Variants in PPARGC1A observed in about 807,000 individuals in gnomAD.
The protein encoded by PPARGC1A is peroxisome proliferator-activated receptor gamma coactivator 1-alpha.
In PPARGC1A, 25 loss-of-function variants were observed where a neutral mutation model predicts 88.7. That is an observed-to-expected ratio of 0.28 (90% CI 0.21 to 0.39). The LOEUF is 0.39. Among genes scored for constraint, PPARGC1A ranks in the 10% least tolerant of loss-of-function variants. PPARGC1A has a pLI of 1.00. For missense variants in PPARGC1A, 880 were observed against 968.7 expected (o/e 0.91, Z 1.22); for synonymous variants, 363 against 355.6 (o/e 1.02, Z -0.24).
chr4:23,893,372 T>C (rs1473259907), upstream of PPARGC1A, among the ~76,000 whole-genome samples: 1 of 152,134 alleles, frequency 6.6e-6, no homozygotes, highest in Non-Finnish European at 1.5e-5. Flanking sequence ...CCTCAGAGAA[T>C]AGCAAAAACA....
the PPARGC1A span, among the ~76,000 whole-genome samples, chr4:24,282,128 A>G: frequency 6.6e-6 from 1 of 152,210 alleles, no homozygotes; most frequent in Non-Finnish European, 1.5e-5. Flanking sequence ...AAATAAGATG[A>G]TTACTATCTA....
At chr4:24,191,907 G>A in the PPARGC1A span, among the ~76,000 whole-genome samples, 176 of 152,260 alleles carry the variant, frequency 1.2e-3, no homozygotes, top group Non-Finnish European at 1.2e-3. Context: ...AAAAAGCTTG[G>A]GCTCAACCCT....
chr4:24,126,267 C>CCA, the PPARGC1A span, among the ~76,000 whole-genome samples: 15,692 of 146,460 alleles, frequency 0.11, 892 homozygotes, highest in African/African-American at 0.15. Context: ...TGGCTTCTCA[C>CCA]CACACACACA....
chr4:23,810,026 G>C (rs1448053169), intron 10 of PPARGC1A, among the ~76,000 whole-genome samples: 1 of 152,154 alleles, frequency 6.6e-6, no homozygotes, highest in African/African-American at 2.4e-5. Context: ...TGGATACAGG[G>C]ACGATGTCTT....
chr4:24,084,181 G>T, the PPARGC1A span, among the ~76,000 whole-genome samples: 1 of 152,182 alleles, frequency 6.6e-6, no homozygotes, highest in African/African-American at 2.4e-5. Flanking sequence ...CTCACTAAAT[G>T]CATATTAGCT....
the PPARGC1A span, among the ~76,000 whole-genome samples, chr4:24,471,813 C>G: frequency 6.6e-6 from 1 of 152,220 alleles, no homozygotes; most frequent in Non-Finnish European, 1.5e-5. This position sits in a 1 kb window ranked among gnomAD's most constrained non-coding sequence, Gnocchi z 5.4. Flanking sequence ...GGAGCGGAGG[C>G]TCCACTCTGC....
chr4:23,923,151 G>A, the PPARGC1A span, among the ~76,000 whole-genome samples: 2 of 147,766 alleles, frequency 1.4e-5, no homozygotes, highest in East Asian at 4.0e-4. Context: ...TTGGTGAAAC[G>A]ATATTAGGGC....
chr4:23,945,910 G>A, the PPARGC1A span, among the ~76,000 whole-genome samples: 1 of 152,170 alleles, frequency 6.6e-6, no homozygotes, highest in Non-Finnish European at 1.5e-5. Context: ...ATCATGGCCA[G>A]CCGCATGTGA....
At chr4:23,860,036 T>C (rs1730957050) in intron 2 of PPARGC1A, among the ~76,000 whole-genome samples, 4 of 152,014 alleles carry the variant, frequency 2.6e-5, no homozygotes, top group Admixed American at 2.6e-4. Flanking sequence ...CTTTGGGAAC[T>C]CTACATGGGA....
the PPARGC1A span, among the ~76,000 whole-genome samples, chr4:24,044,513 A>G: frequency 1.1e-3 from 171 of 151,698 alleles, no homozygotes; most frequent in African/African-American, 4.1e-3. Flanking sequence ...GAAAGAATGC[A>G]TGCTTCCTAA....
At chr4:24,001,737 C>A in the PPARGC1A span, among the ~76,000 whole-genome samples, 4 of 152,040 alleles carry the variant, frequency 2.6e-5, no homozygotes, top group East Asian at 5.8e-4. Flanking sequence ...CCTTCAGGAG[C>A]TTTAACTGCT....
At chr4:24,068,989 C>G in the PPARGC1A span, among the ~76,000 whole-genome samples, 2 of 152,198 alleles carry the variant, frequency 1.3e-5, no homozygotes, top group African/African-American at 4.8e-5. Flanking sequence ...AATCTCAGCC[C>G]TACTCCTGGC....
At chr4:23,951,388 G>C in the PPARGC1A span, among the ~76,000 whole-genome samples, 1 of 152,080 alleles carries the variant, frequency 6.6e-6, no homozygotes, top group Non-Finnish European at 1.5e-5. Context: ...AAAGAGCAGA[G>C]TCTGGAACAT....
the PPARGC1A span, among the ~76,000 whole-genome samples, chr4:24,311,579 GC>G: frequency 6.6e-6 from 1 of 151,870 alleles, no homozygotes; most frequent in African/African-American, 2.4e-5. Flanking sequence ...GACAGAGCTT[GC>G]AGTGAGCCAA....
chr4:24,048,329 C>G, the PPARGC1A span, among the ~76,000 whole-genome samples: 1 of 152,166 alleles, frequency 6.6e-6, no homozygotes, highest in Non-Finnish European at 1.5e-5. Context: ...TATCAGGATC[C>G]TCTCCTGACA....
At chr4:24,343,014 A>G in the PPARGC1A span, among the ~76,000 whole-genome samples, 93 of 152,324 alleles carry the variant, frequency 6.1e-4, 1 homozygote, top group African/African-American at 2.1e-3. Flanking sequence ...ATGAGTTTCA[A>G]ACTAAGCTCT....
the PPARGC1A span, among the ~76,000 whole-genome samples, chr4:23,949,143 A>G: frequency 1.3e-5 from 2 of 152,184 alleles, no homozygotes; most frequent in African/African-American, 2.4e-5. Flanking sequence ...AAATCAAAAT[A>G]CAGATCAATT....
chr4:24,001,981 G>A, the PPARGC1A span, among the ~76,000 whole-genome samples: 1 of 151,882 alleles, frequency 6.6e-6, no homozygotes, highest in East Asian at 1.9e-4. Context: ...TGGGGGAAGG[G>A]CACAGAGAAT....
At chr4:23,896,705 C>T (rs573386455) in intron 1 of PPARGC1A, among the ~76,000 whole-genome samples, 49 of 152,160 alleles carry the variant, frequency 3.2e-4, no homozygotes, top group African/African-American at 1.1e-3. Context: ...TCTTAATTAG[C>T]CCGGGTGGGG....
Sources: allele counts gnomAD v4.1 joint callset (sites outside exome capture counted in the v4.1 genomes callset), GRCh38; gene constraint gnomAD v4.1.1; non-coding constraint Gnocchi (gnomAD v3.1); transcripts MANE v1.5; gene names NCBI Gene and HGNC (gene_info 2026-07-23, HGNC 2026-07-21).